Variants in CMIP observed in about 807,000 individuals in gnomAD.
CMIP encodes c-Maf inducing protein.
CMIP carries 13 observed loss-of-function variants against 97.3 expected under a neutral mutation model. The observed-to-expected ratio is 0.13, with a 90% CI of 0.09 to 0.21. The LOEUF is 0.21. Ranked by LOEUF, CMIP falls within the 10% of genes least tolerant of loss-of-function variation. The probability of loss-of-function intolerance (pLI) is 1.00; values close to 1 mark genes in which losing one functional copy is unlikely to be tolerated. For synonymous variants in CMIP, 538 were observed against 436.3 expected (o/e 1.23, Z -2.91); for missense variants, 847 against 1,024.9 (o/e 0.83, Z 2.37).
chr16:81,588,691 G>A (rs2091420929), intron 1 of CMIP, among the ~76,000 whole-genome samples: 1 of 152,098 alleles, frequency 6.6e-6, no homozygotes, highest in African/African-American at 2.4e-5. Context: ...TCACTTATTT[G>A]TCTTTTCTGT....
At chr16:81,599,975 C>T (rs1031999863) in intron 1 of CMIP, among the ~76,000 whole-genome samples, 3 of 152,026 alleles carry the variant, frequency 2.0e-5, no homozygotes, top group Non-Finnish European at 4.4e-5. Flanking sequence ...GTCCTTCCTT[C>T]TGTCATCATT....
chr16:81,638,092 G>C (rs11644066), intron 3 of CMIP, among the ~76,000 whole-genome samples: 1 of 152,160 alleles, frequency 6.6e-6, no homozygotes, highest in East Asian at 1.9e-4. Context: ...TCAGAGCTTA[G>C]CACTTGGCTT....
At chr16:81,504,155 C>G (rs2966092) in intron 1 of CMIP, among the ~76,000 whole-genome samples, 119,483 of 151,930 alleles carry the variant, frequency 0.79, 47,238 homozygotes, top group East Asian at 0.86. Flanking sequence ...GTGAAACCCC[C>G]TCTCTACTAA....
At chr16:81,647,404 C>T (rs186380796) in intron 3 of CMIP, among the ~76,000 whole-genome samples, 49 of 152,292 alleles carry the variant, frequency 3.2e-4, no homozygotes, top group African/African-American at 1.2e-3. Flanking sequence ...TTCTTGGTCT[C>T]ATCGAACAAA....
intron 12 of CMIP, 52 bp from the exon 13 acceptor site, chr16:81,693,387 C>G (rs554731836): frequency 1.3e-6 from 2 of 1,589,928 alleles, no homozygotes; most frequent in Non-Finnish European, 8.6e-7. Flanking sequence ...TCCCACACCT[C>G]CCACTCAGTT....
chr16:81,620,189 C>A (rs1472162514), intron 2 of CMIP: 1 of 152,228 alleles, frequency 6.6e-6, no homozygotes, highest in African/African-American at 2.4e-5. Context: ...TGTCCAAAGA[C>A]TCACAGCTAG....
intron 5 of CMIP, among the ~76,000 whole-genome samples, chr16:81,659,620 G>A (rs573984669): frequency 6.6e-6 from 1 of 152,192 alleles, no homozygotes; most frequent in Non-Finnish European, 1.5e-5. Context: ...TCCTCTCCCT[G>A]CCAGCAACAC....
intron 1 of CMIP, among the ~76,000 whole-genome samples, chr16:81,583,644 C>T (rs896844159): frequency 2.0e-5 from 3 of 152,120 alleles, no homozygotes; most frequent in South Asian, 2.1e-4. Context: ...CAGCCCCAAC[C>T]GAGGCTTATT....
intron 1 of CMIP, among the ~76,000 whole-genome samples, chr16:81,563,257 G>T (rs2090919362): frequency 1.3e-5 from 2 of 152,252 alleles, no homozygotes; most frequent in Non-Finnish European, 2.9e-5. Flanking sequence ...CCTCAAGCTT[G>T]CCTTGAGAGG....
intron 1 of CMIP, among the ~76,000 whole-genome samples, chr16:81,573,359 A>G (rs1597103907): frequency 6.6e-6 from 1 of 152,112 alleles, no homozygotes; most frequent in African/African-American, 2.4e-5. Flanking sequence ...ATAAAAAAAA[A>G]AAAAAGGCAT....
chr16:81,445,633 A>G (rs2150723399), intron 1 of CMIP, 92 bp downstream of exon 1: 2 of 1,390,768 alleles, frequency 1.4e-6, no homozygotes, highest in Non-Finnish European at 1.9e-6. Context: ...CCTGGAGCCC[A>G]GGGCCTGGGG....
intron 1 of CMIP, among the ~76,000 whole-genome samples, chr16:81,550,310 G>A (rs1248545188): frequency 2.0e-5 from 3 of 152,248 alleles, no homozygotes; most frequent in Non-Finnish European, 2.9e-5. Flanking sequence ...CACTGGTGTG[G>A]AGTGGCATTG....
chr16:81,466,462 C>A (rs1907212641), intron 1 of CMIP, among the ~76,000 whole-genome samples: 1 of 152,198 alleles, frequency 6.6e-6, no homozygotes, highest in South Asian at 2.1e-4. Flanking sequence ...CTGCCACTTA[C>A]TAGTGATGAT....
At chr16:81,464,556 T>G (rs1447959918) in intron 1 of CMIP, 1 of 152,222 alleles carries the variant, frequency 6.6e-6, no homozygotes, top group African/African-American at 2.4e-5. Flanking sequence ...TTCTGAGGTT[T>G]TAAAAAAATT....
intron 7 of CMIP, among the ~76,000 whole-genome samples, chr16:81,667,994 C>A (rs1035070306): frequency 6.6e-6 from 1 of 151,956 alleles, no homozygotes; most frequent in African/African-American, 2.4e-5. Context: ...CATGAAGAAG[C>A]CCCCAGCGGC....
Position 81,678,348 on chromosome 16 carries a change from C to T in CMIP, c.1108C>T (p.Pro370Ser). The change falls in exon 10 of 21, where the codon CCT becomes TCT. Residue 370 changes from proline to serine, a missense_variant. Around this residue, in one of 4 missense-constraint regions of CMIP, gnomAD observed 202 missense variants for 168.7 expected, o/e 1.20. Transcript: ENST00000537098. The part of the protein sequence containing the change: ...QQPCDRKPTL[P>S]LRLLHPSPDL... ...GCCGTGCGACCGGAAGCCCACTTTA[C>T]CTCTGCGCCTTCTGCACCCCAGCCC... 6.2e-7 allele frequency: 1 copy of T among 1,613,318 alleles called. No individual in the cohort carries two copies. The highest frequency in any genetic ancestry group is 1.3e-5 in the African/African-American group (1 of 75,038).
At chr16:81,552,651 A>T (rs550444181) in intron 1 of CMIP, among the ~76,000 whole-genome samples, 120 of 152,238 alleles carry the variant, frequency 7.9e-4, no homozygotes, top group African/African-American at 2.7e-3. Flanking sequence ...TCCCATCTCA[A>T]GGTCCTTAAT....
At chr16:81,580,182 A>G (rs2091272050) in intron 1 of CMIP, among the ~76,000 whole-genome samples, 1 of 152,072 alleles carries the variant, frequency 6.6e-6, no homozygotes, top group Non-Finnish European at 1.5e-5. Context: ...CCTAATCTCC[A>G]GCTTTACAGC....
At chr16:81,643,008 A>C (rs2092324013) in intron 3 of CMIP, among the ~76,000 whole-genome samples, 1 of 152,234 alleles carries the variant, frequency 6.6e-6, no homozygotes, top group African/African-American at 2.4e-5. Flanking sequence ...CGGTATGCTA[A>C]GTGGACAGAA....
Sources: gnomAD v4.1 joint callset for allele counts (sites outside exome capture counted in the v4.1 genomes callset) on GRCh38, gnomAD v4.1.1 for gene constraint, gnomAD v4.1.1 regional missense constraint, MANE v1.5 for transcripts, NCBI Gene and HGNC (gene_info 2026-07-23, HGNC 2026-07-21) for gene names.